The following SMPDL3B variants were observed in gnomAD, a reference collection of about 807,000 sequenced individuals.
The protein encoded by SMPDL3B is sphingomyelin phosphodiesterase acid like 3B, also known as acid sphingomyelinase-like phosphodiesterase 3b.
A neutral mutation model predicts 37.9 loss-of-function variants in SMPDL3B; 31 were observed. The observed-to-expected ratio is 0.82, with a 90% confidence interval of 0.61 to 1.10. The LOEUF (loss-of-function observed/expected upper bound fraction) is 1.10, where lower values mean the gene tolerates loss of function less well. Among genes scored for constraint, SMPDL3B ranks in the 50% least tolerant of loss-of-function variants. The pLI is 0.00. For missense variants in SMPDL3B, 525 were observed against 597.8 expected, an observed-to-expected ratio of 0.88 and a Z score of 1.27; for synonymous variants, 235 against 242.6, an observed-to-expected ratio of 0.97 and a Z score of 0.29.
intron 1 of SMPDL3B, among the ~76,000 whole-genome samples, chr1:27,943,161 T>G (rs1475858323): frequency 1.3e-5 from 2 of 152,192 alleles, no homozygotes; most frequent in Non-Finnish European, 2.9e-5. Flanking sequence ...AGCCCAGAGA[T>G]CCCCATCATT....
chr1:27,935,930 G>A (rs754805112), intron 1 of SMPDL3B, among the ~76,000 whole-genome samples: 2 of 152,190 alleles, frequency 1.3e-5, no homozygotes, highest in East Asian at 3.8e-4. Flanking sequence ...GGAAGCCCGC[G>A]TGGCTGAAGC....
Position 27,945,063 on chromosome 1 carries a change from C to T in SMPDL3B, c.62-169C>T, listed in dbSNP as rs1254877826. Among the ~76,000 whole-genome samples the T allele has an allele frequency of 6.6e-6, 1 of 152,156 alleles. No homozygotes were observed. Among genetic ancestry groups the T allele is most frequent in the Non-Finnish European group, 1.5e-5 (1 of 68,032 alleles). On this transcript the variant is annotated intron_variant, in intron 1 of 7. Transcript: ENST00000373894. This position sits in a 1 kb window ranked among gnomAD's most constrained non-coding sequence, Gnocchi z 4.0. ...TGTTCTGTGCTCTGCTCAATGTGTC[C>T]CTGGGCAGAGCCAGGCCTGTGGGCC...
chr1:27,953,139 A>C, intron 3 of SMPDL3B, 76 bp from the exon 4 acceptor site: 15 of 1,107,460 alleles, frequency 1.4e-5, no homozygotes, highest in Non-Finnish European at 2.0e-5. Context: ...TCTGATGGCC[A>C]GTGGCCAACA....
At chr1:27,935,824 G>A (rs1216830013) in intron 1 of SMPDL3B, among the ~76,000 whole-genome samples, 2 of 152,146 alleles carry the variant, frequency 1.3e-5, no homozygotes, top group African/African-American at 2.4e-5. Flanking sequence ...GGCAGTGAGT[G>A]GGGGAGCCAC....
At chr1:27,939,514 G>GAGTGTGGTGGCATATACCTGCATTCCT (rs1571646477) in intron 1 of SMPDL3B, among the ~76,000 whole-genome samples, 1 of 152,210 alleles carries the variant, frequency 6.6e-6, no homozygotes, top group Non-Finnish European at 1.5e-5. Flanking sequence ...AAAAGTAGCT[G>GAGTGTGGTGGCATATACCTGCATTCCT]AGTGTGGTGG....
chr1:27,953,528 T>C (rs2090472371), intron 4 of SMPDL3B, among the ~76,000 whole-genome samples, 170 bp downstream of exon 4: 1 of 152,150 alleles, frequency 6.6e-6, no homozygotes, highest in South Asian at 2.1e-4. Flanking sequence ...ACTCCAGAAT[T>C]AACTCCAAAG....
chr1:27,946,903 AGAGT>A (rs1034856371), intron 2 of SMPDL3B, among the ~76,000 whole-genome samples: 13 of 152,138 alleles, frequency 8.5e-5, no homozygotes, highest in Non-Finnish European at 1.5e-4. Flanking sequence ...ATCTAAGAAG[AGAGT>A]GAGATTTGGT....
At chr1:27,941,235 G>A (rs945003101) in intron 1 of SMPDL3B, among the ~76,000 whole-genome samples, 8 of 152,208 alleles carry the variant, frequency 5.3e-5, no homozygotes, top group Admixed American at 6.5e-5. Context: ...CAGGCATGAC[G>A]ACATTGTGTC....
chr1:27,942,322 C>CG (rs11386058), intron 1 of SMPDL3B: 222,863 of 470,070 alleles, frequency 0.47, 55,264 homozygotes, highest in South Asian at 0.65. Context: ...AGGGCCTCCC[C>CG]CAACATCCAT....
At chr1:27,948,930 C>T in intron 2 of SMPDL3B, 135 bp from the exon 3 acceptor site, 1 of 1,514,168 alleles carries the variant, frequency 6.6e-7, no homozygotes, top group Non-Finnish European at 8.9e-7. Context: ...TCCACTCTAG[C>T]CTGGCCATTC....
At chr1:27,954,269 G>T in intron 4 of SMPDL3B, 85 bp from the exon 5 acceptor site, 6 of 1,285,602 alleles carry the variant, frequency 4.7e-6, no homozygotes, top group Non-Finnish European at 6.5e-6. Flanking sequence ...AACGGAAAAA[G>T]AAAGTGGGAC....
chr1:27,958,913 AC>A lies in SMPDL3B; in HGVS notation c.*77del. Reference sequence around the variant, plus strand: ...AGGATCACCCAGAGCTGGGCCTTCCACCATTTCCTCCGCGCCTGAGGAGTGA... The same window carrying A: ...AGGATCACCCAGAGCTGGGCCTTCCACATTTCCTCCGCGCCTGAGGAGTGA... On this transcript the variant is annotated 3_prime_UTR_variant, in exon 8 of 8. Coordinates refer to ENST00000373894, the MANE Select transcript of SMPDL3B (RefSeq NM_014474.4). This position sits in a 1 kb window ranked among gnomAD's most constrained non-coding sequence, Gnocchi z 5.6. The A allele has an allele frequency of 6.9e-7, 1 of 1,444,106 alleles. No individual in the cohort carries two copies. The highest frequency in any genetic ancestry group is 1.4e-5 in the South Asian group (1 of 73,182). 89.5% of individuals were successfully genotyped at this position (1,444,106 alleles called of 1,614,324 possible).
At position 27,958,914 on chromosome 1, in the gene SMPDL3B, C is replaced by A; in HGVS notation, c.*76C>A. 1 of 1,439,238 alleles carries A rather than the reference C, an allele frequency of 6.9e-7. No individual in the cohort carries two copies. 89.2% of individuals were successfully genotyped at this position (1,439,238 alleles called of 1,614,324 possible). A position where few individuals can be genotyped will look rare whatever the true frequency, so the allele number is the denominator to read the frequency against. On this transcript the variant is annotated 3_prime_UTR_variant, in exon 8 of 8. Coordinates refer to ENST00000373894, the MANE Select transcript of SMPDL3B (RefSeq NM_014474.4). This position sits in a 1 kb window ranked among gnomAD's most constrained non-coding sequence, Gnocchi z 5.6. ...GGATCACCCAGAGCTGGGCCTTCCACCATTTCCTCCGCGCCTGAGGAGTGA... is the reference window on the plus strand; with the variant it reads ...GGATCACCCAGAGCTGGGCCTTCCAACATTTCCTCCGCGCCTGAGGAGTGA...
intron 3 of SMPDL3B, among the ~76,000 whole-genome samples, chr1:27,950,800 T>C (rs953632853): frequency 6.6e-6 from 1 of 152,200 alleles, no homozygotes; most frequent in Non-Finnish European, 1.5e-5. Context: ...CAGCTAATTT[T>C]AGTATTTTTG....
Position 27,935,928 on chromosome 1 carries a change from G to A in SMPDL3B, c.61+684G>A, listed in dbSNP as rs146763100. On this transcript the variant is annotated intron_variant, in intron 1 of 7. Coordinates refer to ENST00000373894, the MANE Select transcript of SMPDL3B (RefSeq NM_014474.4). ...TGCATGAGGAACAGCAAGGAAGCCC[G>A]CGTGGCTGAAGCAGGGTGGGCAGGA... is the stretch of plus-strand genomic sequence containing the variant. 2.5e-3 allele frequency among the ~76,000 whole-genome samples: 381 copies of A among 152,298 alleles called. 12 individuals carry two copies. The East Asian group carries it at 0.058, about 23-fold the overall frequency.
At chr1:27,935,363 A>G (rs890463446) in intron 1 of SMPDL3B, 119 bp downstream of exon 1, 5 of 739,504 alleles carry the variant, frequency 6.8e-6, no homozygotes, top group Non-Finnish European at 1.1e-5. Flanking sequence ...GGAGCTAGGC[A>G]GGGAGGCAGG....
intron 1 of SMPDL3B, among the ~76,000 whole-genome samples, chr1:27,937,239 T>C (rs11587731): frequency 0.66 from 100,194 of 152,034 alleles, 34,253 homozygotes; most frequent in South Asian, 0.8. Flanking sequence ...CTTCTCCTCC[T>C]ACACATGTCC....
chr1:27,959,035 A>C lies in SMPDL3B; in HGVS notation c.*197A>C. ...ACTCCAGCCTGGGTGACAAAGCCAG[A>C]CTCTCTCCAAAAACAAACCAGAAAC... On this transcript the variant is annotated 3_prime_UTR_variant, in exon 8 of 8. Coordinates refer to ENST00000373894, the MANE Select transcript of SMPDL3B (RefSeq NM_014474.4). 2 of 616,744 alleles carry C rather than the reference A, an allele frequency of 3.2e-6. No individual in the cohort carries two copies. The highest frequency in any genetic ancestry group is 2.4e-5 in the South Asian group (1 of 42,444). 38.2% of individuals were successfully genotyped at this position (616,744 alleles called of 1,614,324 possible). A position where few individuals can be genotyped will look rare whatever the true frequency, so the allele number is the denominator to read the frequency against.
rs754135537 is a variant in SMPDL3B, at chr1:27,949,086, C to T, written c.297C>T (p.Pro99=). Residue 99 remains proline, a synonymous_variant, in exon 3 of 8, where the codon CCC becomes CCT. Transcript: ENST00000373894. The part of the protein sequence containing the change: ...LWTGDDTPHV[P]DEKLGEAAVL... Reference sequence around the variant, plus strand: ...GTAGTGATGACACGCCTCATGTGCCCGATGAGAAACTGGGAGAGGCAGCTG... The same window carrying T: ...GTAGTGATGACACGCCTCATGTGCCTGATGAGAAACTGGGAGAGGCAGCTG... 1.2e-5 allele frequency: 19 copies of T among 1,614,024 alleles called. No individual in the cohort carries two copies. In the African/African-American group the frequency reaches 1.3e-4, roughly 11 times the overall value.
Sources: gnomAD v4.1 joint callset for allele counts (sites outside exome capture counted in the v4.1 genomes callset) on GRCh38, gnomAD v4.1.1 for gene constraint, Gnocchi (gnomAD v3.1) non-coding constraint, MANE v1.5 for transcripts, NCBI Gene and HGNC (gene_info 2026-07-23, HGNC 2026-07-21) for gene names.